Variants in SLC4A4 observed in about 807,000 individuals in gnomAD.
The protein encoded by SLC4A4 is solute carrier family 4 member 4.
A neutral mutation model predicts 111.5 loss-of-function variants in SLC4A4; 27 were observed. That is an observed-to-expected ratio of 0.24 (90% CI 0.18 to 0.33). SLC4A4 has a LOEUF of 0.33. Ranked by LOEUF, SLC4A4 falls within the 10% of genes least tolerant of loss-of-function variation. The pLI is 1.00. For missense variants in SLC4A4, 909 were observed against 1,315.5 expected, an observed-to-expected ratio of 0.69 and a Z score of 4.78; for synonymous variants, 443 against 463.4, an observed-to-expected ratio of 0.96 and a Z score of 0.57.
intron 1 of SLC4A4, among the ~76,000 whole-genome samples, chr4:71,228,681 G>A (rs1719205825): frequency 6.6e-6 from 1 of 152,146 alleles, no homozygotes; most frequent in African/African-American, 2.4e-5. Context: ...AATGTTTCTA[G>A]GGGAAATTAA....
At chr4:71,222,824 C>T (rs1718828106) in intron 1 of SLC4A4, among the ~76,000 whole-genome samples, 1 of 152,200 alleles carries the variant, frequency 6.6e-6, no homozygotes, top group Non-Finnish European at 1.5e-5. Context: ...ATGCACTCTT[C>T]TGGCTTTTGA....
intron 3 of SLC4A4, among the ~76,000 whole-genome samples, chr4:71,322,657 T>C: frequency 6.6e-6 from 1 of 151,972 alleles, no homozygotes; most frequent in East Asian, 1.9e-4. Context: ...TGATTCATCA[T>C]GTAAACCTTA....
upstream of SLC4A4, among the ~76,000 whole-genome samples, chr4:71,183,722 A>G (rs990145733): frequency 6.6e-6 from 1 of 152,226 alleles, no homozygotes; most frequent in Admixed American, 6.5e-5. Context: ...ATTCTGTTGC[A>G]AACAACTACA....
At chr4:71,414,512 T>A (rs1232075976) in intron 7 of SLC4A4, among the ~76,000 whole-genome samples, 1 of 152,264 alleles carries the variant, frequency 6.6e-6, no homozygotes, top group Non-Finnish European at 1.5e-5. Context: ...AACTTTTAAC[T>A]CTTGGTTGCC....
At chr4:71,376,718 C>T (rs1342907805) in intron 6 of SLC4A4, among the ~76,000 whole-genome samples, 2 of 151,810 alleles carry the variant, frequency 1.3e-5, no homozygotes, top group East Asian at 1.9e-4. Flanking sequence ...CTCACTGCAA[C>T]CTCCACTTCT....
At chr4:71,124,728 T>C (rs145335753) in intron 2 of SLC4A4, among the ~76,000 whole-genome samples, 79 of 152,352 alleles carry the variant, frequency 5.2e-4, no homozygotes, top group African/African-American at 1.8e-3. Flanking sequence ...TGCTCTAAGA[T>C]CTTCAGTGTT....
At chr4:71,204,196 A>G (rs552686000) in intron 1 of SLC4A4, among the ~76,000 whole-genome samples, 1 of 152,284 alleles carries the variant, frequency 6.6e-6, no homozygotes, top group South Asian at 2.1e-4. Context: ...GGTTCACTTT[A>G]AGTGTGGTTT....
At chr4:71,295,464 G>A (rs1170511500) in intron 3 of SLC4A4, among the ~76,000 whole-genome samples, 2 of 152,288 alleles carry the variant, frequency 1.3e-5, no homozygotes, top group African/African-American at 2.4e-5. Flanking sequence ...AAAAGAGGAA[G>A]CAATCATAGA....
chr4:71,275,565 A>G (rs1233612464), intron 3 of SLC4A4, among the ~76,000 whole-genome samples: 1 of 152,204 alleles, frequency 6.6e-6, no homozygotes, highest in African/African-American at 2.4e-5. Flanking sequence ...TCCTCAGAAA[A>G]GGAGCTCTTT....
intron 2 of SLC4A4, among the ~76,000 whole-genome samples, chr4:71,149,849 G>A (rs1021823644): frequency 6.6e-5 from 10 of 152,076 alleles, no homozygotes; most frequent in South Asian, 2.1e-4. Context: ...TTCAACAATG[G>A]TAATATTTTT....
intron 2 of SLC4A4, among the ~76,000 whole-genome samples, chr4:71,099,551 C>T (rs1742655248): frequency 6.6e-6 from 1 of 151,996 alleles, no homozygotes; most frequent in Non-Finnish European, 1.5e-5. Context: ...TAAGAGCAAA[C>T]CAACCCCAAT....
intron 2 of SLC4A4, among the ~76,000 whole-genome samples, chr4:71,182,171 G>T (rs1745313103): frequency 6.6e-6 from 1 of 152,170 alleles, no homozygotes; most frequent in Non-Finnish European, 1.5e-5. Context: ...ATAAATATTG[G>T]TTGACTGAAT....
At chr4:71,178,554 C>T (rs1221538381) in intron 2 of SLC4A4, among the ~76,000 whole-genome samples, 2 of 152,154 alleles carry the variant, frequency 1.3e-5, no homozygotes, top group Admixed American at 1.3e-4. Flanking sequence ...ATACAAACTA[C>T]CATCAGAGAA....
At chr4:71,297,396 C>T (rs1168219251) in intron 3 of SLC4A4, among the ~76,000 whole-genome samples, 2 of 152,040 alleles carry the variant, frequency 1.3e-5, no homozygotes, top group Admixed American at 1.3e-4. Context: ...TCATATTACA[C>T]TGAGATTGTT....
At chr4:71,265,336 G>C (rs1722161418) in intron 3 of SLC4A4, among the ~76,000 whole-genome samples, 1 of 152,028 alleles carries the variant, frequency 6.6e-6, no homozygotes, top group African/African-American at 2.4e-5. Flanking sequence ...CAATGTATAA[G>C]AAGAAAAAAC....
At chr4:71,496,150 A>G (rs565927447) in intron 15 of SLC4A4, among the ~76,000 whole-genome samples, 1 of 152,246 alleles carries the variant, frequency 6.6e-6, no homozygotes, top group Admixed American at 6.6e-5. Context: ...TTTCAGGACT[A>G]TTGAATACTA....
At chr4:71,412,878 T>C (rs912551211) in intron 7 of SLC4A4, among the ~76,000 whole-genome samples, 1 of 152,184 alleles carries the variant, frequency 6.6e-6, no homozygotes, top group Non-Finnish European at 1.5e-5. Flanking sequence ...AATCTTTAAG[T>C]AATTTAAAGA....
intron 1 of SLC4A4, among the ~76,000 whole-genome samples, chr4:71,079,687 G>A (rs958689206): frequency 6.6e-6 from 1 of 151,642 alleles, no homozygotes; most frequent in Non-Finnish European, 1.5e-5. Context: ...GTGGTGGGAG[G>A]ATCACTTGAG....
intron 3 of SLC4A4, among the ~76,000 whole-genome samples, chr4:71,318,233 T>C (rs1377991678): frequency 6.6e-6 from 1 of 152,092 alleles, no homozygotes; most frequent in Non-Finnish European, 1.5e-5. Context: ...TTGCTCATTT[T>C]AAATAGTAAT....
Sources: allele counts gnomAD v4.1 joint callset (sites outside exome capture counted in the v4.1 genomes callset), GRCh38; gene constraint gnomAD v4.1.1; transcripts MANE v1.5; gene names NCBI Gene and HGNC (gene_info 2026-07-23, HGNC 2026-07-21).